POLR1A: variants seen among roughly 807,000 people sequenced by gnomAD.
POLR1A encodes the protein RNA polymerase I subunit A, also known as DNA-directed RNA polymerase I subunit RPA1.
In POLR1A, 84 loss-of-function variants were observed where a neutral mutation model predicts 205.3. The ratio of observed to expected loss-of-function variants is 0.41; its 90% confidence interval spans 0.34 to 0.49. The LOEUF (loss-of-function observed/expected upper bound fraction) is 0.49, where lower values mean the gene tolerates loss of function less well. Among genes scored for constraint, POLR1A ranks in the 20% least tolerant of loss-of-function variants. POLR1A has a pLI of 0.22. For synonymous variants in POLR1A, 799 were observed against 863.7 expected, an observed-to-expected ratio of 0.93 and a Z score of 1.31; for missense variants, 1,645 against 2,204.5, an observed-to-expected ratio of 0.75 and a Z score of 5.08.
In POLR1A at chr2:86,075,641, T is replaced by C. The variant is rs188729566; in HGVS notation, c.1381-381A>G. Among the ~76,000 whole-genome samples, 50 of 152,252 alleles carry C rather than the reference T, an allele frequency of 3.3e-4. 2 individuals are homozygous for C. The East Asian group carries it at 7.2e-3, about 22-fold the overall frequency. Reference sequence around the variant, plus strand: ...CTCCTGCCTCAGCCTCCCGAGTAACTGGGATTACAGGCACACACTACCACA... The same window carrying C: ...CTCCTGCCTCAGCCTCCCGAGTAACCGGGATTACAGGCACACACTACCACA... On this transcript the variant is annotated intron_variant, in intron 11 of 33. Coordinates refer to ENST00000263857, the MANE Select transcript of POLR1A (RefSeq NM_015425.6).
At chr2:86,100,467 A>G (rs1343856129) in intron 1 of POLR1A, among the ~76,000 whole-genome samples, 1 of 152,206 alleles carries the variant, frequency 6.6e-6, no homozygotes, top group Non-Finnish European at 1.5e-5. Flanking sequence ...GTACACTGGT[A>G]AACTGTTCAT....
intron 12 of POLR1A, among the ~76,000 whole-genome samples, chr2:86,073,147 T>C (rs1673209342): frequency 6.6e-6 from 1 of 150,806 alleles, no homozygotes; most frequent in Non-Finnish European, 1.5e-5. Flanking sequence ...TGAAGCAAGC[T>C]GTGATTATAC....
chr2:86,053,060 C>A lies in POLR1A; in HGVS notation c.2209-60G>T, dbSNP rs1002056327. ...GGTGATGCCTCCTGTGGGAGTCACCCACCCTCTACTCCATGTGTGACCCTC... is the reference window on the plus strand; with the variant it reads ...GGTGATGCCTCCTGTGGGAGTCACCAACCCTCTACTCCATGTGTGACCCTC... On this transcript the variant is annotated intron_variant, in intron 15 of 33. Transcript: ENST00000263857. The A allele has an allele frequency of 6.2e-6, 8 of 1,294,804 alleles. No individual in the cohort carries two copies. In the Admixed American group the frequency reaches 7.2e-5, roughly 12 times the overall value. The allele number at this position is 1,294,804 out of a possible 1,614,324, so 80.2% of individuals were successfully genotyped here. A position where few individuals can be genotyped will look rare whatever the true frequency, so the allele number is the denominator to read the frequency against.
intron 9 of POLR1A, among the ~76,000 whole-genome samples, chr2:86,079,288 C>T (rs1033416957): frequency 1.1e-4 from 17 of 152,284 alleles, no homozygotes; most frequent in African/African-American, 3.1e-4. Context: ...GCATGATGAC[C>T]GGGCCCTGTT....
intron 27 of POLR1A, among the ~76,000 whole-genome samples, chr2:86,036,069 G>A (rs941927146): frequency 6.6e-6 from 1 of 152,214 alleles, no homozygotes; most frequent in African/African-American, 2.4e-5. Flanking sequence ...AAGGGAACAG[G>A]AGGGGCAGGG....
chr2:86,090,386 C>CAAAAAAA (rs56810530), intron 3 of POLR1A, among the ~76,000 whole-genome samples: 2 of 94,610 alleles, frequency 2.1e-5, no homozygotes, highest in African/African-American at 7.9e-5. Context: ...GACACCATCT[C>CAAAAAAA]AAAAAAAAAA....
intron 6 of POLR1A, among the ~76,000 whole-genome samples, chr2:86,086,010 C>T (rs959605703): frequency 1.3e-5 from 2 of 151,932 alleles, no homozygotes; most frequent in African/African-American, 4.8e-5. Context: ...GCTGACAGCG[C>T]TCCTTGTGGG....
At position 86,052,895 on chromosome 2, in the gene POLR1A, C is replaced by G; in HGVS notation, c.2314G>C (p.Glu772Gln). The G allele has an allele frequency of 6.2e-7, 1 of 1,608,036 alleles. No individual in the cohort carries two copies. The highest frequency in any genetic ancestry group is 8.5e-7 in the Non-Finnish European group (1 of 1,177,112). The change falls in exon 16 of 34, where the codon GAG becomes CAG. Residue 772 changes from glutamate to glutamine, a missense_variant. Around this residue, in one of 16 missense-constraint regions of POLR1A, gnomAD observed 339 missense variants for 415.1 expected, o/e 0.82. Transcript: ENST00000263857. ...CAGGTTAGAACCTTGCCGCTGGTCT[C>G]GCCTCCATAGATCTCATAGCAGCAG... Reference protein sequence around the residue: ...VHCCYEIYGGETSGKVLTCLA... With the variant: ...VHCCYEIYGGQTSGKVLTCLA...
chr2:86,085,994 T>G (rs1673497539), intron 6 of POLR1A, among the ~76,000 whole-genome samples: 1 of 151,998 alleles, frequency 6.6e-6, no homozygotes, highest in South Asian at 2.1e-4. Flanking sequence ...GTGTGGCATT[T>G]CACAAGCTGA....
chr2:86,037,481 C>T (rs1672521344), intron 27 of POLR1A, among the ~76,000 whole-genome samples: 1 of 152,274 alleles, frequency 6.6e-6, no homozygotes, highest in African/African-American at 2.4e-5. Context: ...GCAGAAAAGT[C>T]GTACTGTGTT....
intron 16 of POLR1A, 66 bp from the exon 17 acceptor site, chr2:86,049,308 C>CTGTGCTCTGGCCTTACTG: frequency 1.8e-6 from 2 of 1,103,892 alleles, no homozygotes; most frequent in Non-Finnish European, 2.8e-6. Context: ...AGACTAAACT[C>CTGTGCTCTGGCCTTACTG]AGTAAGGCCA....
At chr2:86,057,125 T>A (rs1040790729) in intron 14 of POLR1A, among the ~76,000 whole-genome samples, 2 of 152,212 alleles carry the variant, frequency 1.3e-5, no homozygotes, top group African/African-American at 2.4e-5. Context: ...CCATTCTAGA[T>A]GTCATTAAAA....
At chr2:86,058,398 C>A (rs905206820) in intron 14 of POLR1A, among the ~76,000 whole-genome samples, 1 of 120,094 alleles carries the variant, frequency 8.3e-6, no homozygotes, top group Non-Finnish European at 1.7e-5. Flanking sequence ...CTCACCCAGC[C>A]TTTTTTTTTT....
At chr2:86,075,412 T>A in intron 11 of POLR1A, 152 bp from the exon 12 acceptor site, 1 of 631,308 alleles carries the variant, frequency 1.6e-6, no homozygotes, top group Non-Finnish European at 2.8e-6. Context: ...CAAAGTAACA[T>A]CCTGCCTGTC....
In POLR1A at chr2:86,081,643, G is replaced by A; in HGVS notation, c.881C>T (p.Pro294Leu). The A allele has an allele frequency of 6.2e-7, 1 of 1,612,116 alleles. No individual in the cohort carries two copies. Among genetic ancestry groups the A allele is most frequent in the South Asian group, 1.1e-5 (1 of 90,978 alleles). The change falls in exon 8 of 34, where the codon CCC becomes CTC. Residue 294 changes from proline to leucine, a missense_variant. Physicochemically the swap from Pro to Leu is moderately conservative, Grantham distance 98 (BLOSUM62 -3). Coordinates refer to ENST00000263857, the MANE Select transcript of POLR1A (RefSeq NM_015425.6). ...CAAGAAATCTAGAAAGAACACACTG[G>A]GATTGAATCTGGATTCCATACCATC... is the stretch of plus-strand genomic sequence containing the variant. ...DDDGMESRFN[P>L]SVFFLDFLVV...
At position 86,042,119 on chromosome 2, in the gene POLR1A, G is replaced by A; in HGVS notation, c.3358-16C>T. 1.9e-6 allele frequency: 3 copies of A among 1,585,676 alleles called. No individual in the cohort carries two copies. The highest frequency in any genetic ancestry group is 2.6e-6 in the Non-Finnish European group (3 of 1,155,932). On this transcript the variant is annotated splice_polypyrimidine_tract_variant and intron_variant, in intron 23 of 33. Transcript: ENST00000263857. The stretch of plus-strand genomic sequence containing the variant: ...TCCTCAGCATCTGAACAGAAGGATG[G>A]GTCTCAGCTATGTGGGAGGGATACC...
At chr2:86,095,382 C>A (rs1298240162) in intron 3 of POLR1A, among the ~76,000 whole-genome samples, 1 of 152,148 alleles carries the variant, frequency 6.6e-6, no homozygotes, top group African/African-American at 2.4e-5. Flanking sequence ...TGGAAAGGAA[C>A]AAAAAGGCCA....
In POLR1A at chr2:86,098,600, T is replaced by TGTTCAG; in HGVS notation, c.432+10_432+11insCTGAAC. On this transcript the variant is annotated intron_variant, in intron 3 of 33. Transcript: ENST00000263857. ...CTTTTCTGATTTCTGTGACCACCAC[T>TGTTCAG]ACCCACCTACCCTGTTCAGAATTCT... The TGTTCAG allele has an allele frequency of 4.3e-6, 7 of 1,611,828 alleles. No homozygotes were observed. The highest frequency in any genetic ancestry group is 5.9e-6 in the Non-Finnish European group (7 of 1,179,352).
rs376358694 is a variant in POLR1A, at chr2:86,054,183, C to A, written c.2165G>T (p.Arg722Leu). ...GTCAGGGTTAAAGCCAGGAACGGAT[C>A]GAGGAGTTTCCTTCACCCAGGCTTT... ...TGKAWVKETPRSVPGFNPDSM... is the reference protein window; with the variant it reads ...TGKAWVKETPLSVPGFNPDSM... Residue 722 changes from arginine (R) to leucine (L), a missense_variant, in exon 15 of 34, where the codon CGA (arginine) becomes CTA (leucine). By Grantham distance (102) the Arg-to-Leu change is moderately radical. Around this residue, in one of 16 missense-constraint regions of POLR1A, gnomAD observed 339 missense variants for 415.1 expected, o/e 0.82. Transcript: ENST00000263857. The A allele has an allele frequency of 1.2e-6, 2 of 1,613,994 alleles. No homozygotes were observed. The highest frequency in any genetic ancestry group is 1.7e-6 in the Non-Finnish European group (2 of 1,179,878).
Sources: gnomAD v4.1 joint callset for allele counts (sites outside exome capture counted in the v4.1 genomes callset) on GRCh38, gnomAD v4.1.1 for gene constraint, gnomAD v4.1.1 regional missense constraint, MANE v1.5 for transcripts, NCBI Gene and HGNC (gene_info 2026-07-23, HGNC 2026-07-21) for gene names.